Variants in TNNI3K observed in about 807,000 individuals in gnomAD.
The protein encoded by TNNI3K is serine/threonine-protein kinase TNNI3K.
A neutral mutation model predicts 114.5 loss-of-function variants in TNNI3K; 140 were observed. The observed-to-expected ratio is 1.22, with a 90% CI of 1.07 to 1.41. TNNI3K has a LOEUF of 1.41. Ranked by LOEUF, TNNI3K falls within the 40% of genes most tolerant of loss-of-function variation. TNNI3K has a pLI of 0.00. For synonymous variants in TNNI3K, 347 were observed against 347.5 expected (o/e 1.00, Z 0.02); for missense variants, 1,125 against 1,007.6 (o/e 1.12, Z -1.58).
chr1:74,514,992 G>T (rs1303799958), intron 23 of TNNI3K, among the ~76,000 whole-genome samples: 1 of 152,030 alleles, frequency 6.6e-6, no homozygotes, highest in African/African-American at 2.4e-5. Flanking sequence ...GATGATGGAG[G>T]CAGGGACTGA....
Position 74,439,549 on chromosome 1 carries a change from A to T in TNNI3K, c.1938A>T (p.Ala646=). The change falls in exon 20 of 25, where the codon GCA becomes GCT. Residue 646 remains alanine (A), a synonymous_variant. Transcript: ENST00000326637. ...FTQCTRYTIK[A]DVFSYALCLW... The stretch of plus-strand genomic sequence containing the variant: ...AGTGCACTCGGTACACCATCAAAGC[A>T]GATGTCTTCAGCTATGCTCTGTGTC... 1.9e-6 allele frequency: 3 copies of T among 1,613,584 alleles called. No individual in the cohort carries two copies. In the East Asian group the frequency reaches 6.7e-5, roughly 36 times the overall value.
intron 17 of TNNI3K, among the ~76,000 whole-genome samples, chr1:74,430,402 A>G (rs1239255118): frequency 6.6e-6 from 1 of 152,138 alleles, no homozygotes; most frequent in Non-Finnish European, 1.5e-5. Flanking sequence ...TTTAACTTCC[A>G]TTCACTTTTG....
At chr1:74,396,136 C>T (rs1399558359) in intron 17 of TNNI3K, among the ~76,000 whole-genome samples, 2 of 152,182 alleles carry the variant, frequency 1.3e-5, no homozygotes, top group South Asian at 2.1e-4. Flanking sequence ...AACATGCTTG[C>T]CCCATCTCAA....
At chr1:74,331,202 T>G (rs980637012) in intron 5 of TNNI3K, among the ~76,000 whole-genome samples, 1 of 152,206 alleles carries the variant, frequency 6.6e-6, no homozygotes, top group African/African-American at 2.4e-5. Context: ...GGAAAGAGAC[T>G]AATGAGAAAT....
At chr1:74,416,494 T>A in intron 17 of TNNI3K, 6 of 982,360 alleles carry the variant, frequency 6.1e-6, no homozygotes, top group Non-Finnish European at 7.3e-6. Flanking sequence ...GGCTTTACAC[T>A]AGTAGGTGTG....
intron 21 of TNNI3K, chr1:74,470,761 T>C: frequency 2.5e-6 from 1 of 400,722 alleles, no homozygotes; most frequent in Non-Finnish European, 4.4e-6. Flanking sequence ...TTGCTCTCTG[T>C]GTTGTAAGGC....
intron 23 of TNNI3K, among the ~76,000 whole-genome samples, chr1:74,502,918 G>C (rs1385858187): frequency 6.6e-6 from 1 of 152,136 alleles, no homozygotes; most frequent in Non-Finnish European, 1.5e-5. Context: ...TAAAAGTAGC[G>C]ACAACCAATC....
At chr1:74,530,655 T>C (rs1252018076) in intron 23 of TNNI3K, among the ~76,000 whole-genome samples, 4 of 152,134 alleles carry the variant, frequency 2.6e-5, no homozygotes, top group South Asian at 2.1e-4. Flanking sequence ...CTTGGTAAGA[T>C]GGTAGGTGGG....
chr1:74,543,858 T>G, intron 24 of TNNI3K, 48 bp from the exon 25 acceptor site: 1 of 1,610,042 alleles, frequency 6.2e-7, no homozygotes, highest in Admixed American at 1.7e-5. Flanking sequence ...AATTGGGGGA[T>G]GTACTGAAAG....
At chr1:74,248,394 C>A (rs1252168629) in intron 2 of TNNI3K, among the ~76,000 whole-genome samples, 1 of 152,156 alleles carries the variant, frequency 6.6e-6, no homozygotes, top group Non-Finnish European at 1.5e-5. Flanking sequence ...TCAAGTGCAG[C>A]CAGAGTTGGC....
chr1:74,282,536 C>G (rs1657080234), intron 5 of TNNI3K, among the ~76,000 whole-genome samples: 1 of 151,874 alleles, frequency 6.6e-6, no homozygotes, highest in Non-Finnish European at 1.5e-5. Context: ...CCCTAATGAC[C>G]TTATTTTAAC....
At chr1:74,381,202 C>A (rs913079275) in intron 17 of TNNI3K, among the ~76,000 whole-genome samples, 1 of 152,104 alleles carries the variant, frequency 6.6e-6, no homozygotes, top group Non-Finnish European at 1.5e-5. Flanking sequence ...TATTGGAAGA[C>A]CACAGGAGAA....
At chr1:74,458,298 C>G (rs1240309722) in intron 20 of TNNI3K, among the ~76,000 whole-genome samples, 2 of 152,120 alleles carry the variant, frequency 1.3e-5, no homozygotes, top group Non-Finnish European at 2.9e-5. Flanking sequence ...CTCTGTCTTC[C>G]CTGCTTCATC....
intron 22 of TNNI3K, 88 bp downstream of exon 22, chr1:74,489,336 A>G (rs1668928598): frequency 7.2e-7 from 1 of 1,386,802 alleles, no homozygotes; most frequent in African/African-American, 1.5e-5. Context: ...GGTGCTTATG[A>G]AAAGTTACTG....
intron 23 of TNNI3K, among the ~76,000 whole-genome samples, chr1:74,514,859 A>C (rs1406272414): frequency 6.6e-6 from 1 of 152,174 alleles, no homozygotes; most frequent in Non-Finnish European, 1.5e-5. Flanking sequence ...ATTTGGAAAC[A>C]GGGTTGTTGC....
chr1:74,322,503 C>T (rs1379124240), intron 5 of TNNI3K, among the ~76,000 whole-genome samples: 4 of 150,410 alleles, frequency 2.7e-5, no homozygotes, highest in African/African-American at 7.4e-5. Flanking sequence ...CTCTGTTGCC[C>T]AGGCTGGAGT....
At chr1:74,271,541 C>T in intron 4 of TNNI3K, 57 bp from the exon 5 acceptor site, 1 of 1,486,068 alleles carries the variant, frequency 6.7e-7, no homozygotes, top group Non-Finnish European at 9.1e-7. Flanking sequence ...TCCTGTTGCA[C>T]AGCTTTTGAA....
At chr1:74,509,747 C>CTT (rs68193106) in intron 23 of TNNI3K, among the ~76,000 whole-genome samples, 10 of 47,816 alleles carry the variant, frequency 2.1e-4, no homozygotes, top group Non-Finnish European at 2.5e-4. Context: ...ATCTGAATTT[C>CTT]TTTTTTTTTT....
At chr1:74,490,604 G>A (rs527318900) in intron 22 of TNNI3K, among the ~76,000 whole-genome samples, 12 of 152,168 alleles carry the variant, frequency 7.9e-5, no homozygotes, top group Non-Finnish European at 1.0e-4. Context: ...AGAGTTTGCT[G>A]GACTGAGTTG....
Sources: allele counts gnomAD v4.1 joint callset (sites outside exome capture counted in the v4.1 genomes callset), GRCh38; gene constraint gnomAD v4.1.1; transcripts MANE v1.5; gene names NCBI Gene and HGNC (gene_info 2026-07-23, HGNC 2026-07-21).